Variants in CA10 observed in about 807,000 individuals in gnomAD.
CA10 encodes the protein carbonic anhydrase 10 (inactive).
CA10 carries 14 observed loss-of-function variants against 44.2 expected under a neutral mutation model. That is an observed-to-expected ratio of 0.32 (90% confidence interval 0.21 to 0.50). The LOEUF (loss-of-function observed/expected upper bound fraction) is 0.50. Ranked by LOEUF, CA10 falls within the 20% of genes least tolerant of loss-of-function variation. The pLI, the probability that CA10 is intolerant of heterozygous loss-of-function variation, is 0.99. For synonymous variants in CA10, 159 were observed against 141.6 expected, an observed-to-expected ratio of 1.12 and a Z score of -0.87; for missense variants, 350 against 409.7, an observed-to-expected ratio of 0.85 and a Z score of 1.26.
intron 3 of CA10, among the ~76,000 whole-genome samples, chr17:51,853,241 G>T (rs1385097513): frequency 6.6e-6 from 1 of 152,174 alleles, no homozygotes; most frequent in Non-Finnish European, 1.5e-5. Flanking sequence ...CTGCTAATCA[G>T]GAGTGGGGTG....
chr17:52,052,039 C>T lies in CA10; in HGVS notation c.136+20280G>A, dbSNP rs116350504. Among the ~76,000 whole-genome samples, 1,321 of 151,836 alleles carry T rather than the reference C, an allele frequency of 8.7e-3. 18 individuals are homozygous for T. The highest frequency in any genetic ancestry group is 0.03 in the African/African-American group (1,252 of 41,430). On this transcript the variant is annotated intron_variant, in intron 2 of 8. Coordinates refer to ENST00000451037, the MANE Select transcript of CA10 (RefSeq NM_020178.5). ...AAACTAACACAGGATCAGAAAATCACATACTTCATATTCTCACTTATAAGT... is the reference window on the plus strand; with the variant it reads ...AAACTAACACAGGATCAGAAAATCATATACTTCATATTCTCACTTATAAGT...
chr17:51,671,865 TGTAACATTAAA>T (rs547755109), intron 4 of CA10, among the ~76,000 whole-genome samples: 194 of 152,358 alleles, frequency 1.3e-3, no homozygotes, highest in Non-Finnish European at 2.2e-3. Context: ...TTTGAAATCT[TGTAACATTAAA>T]GTAACATTAA....
chr17:51,990,768 A>G (rs963284333), intron 2 of CA10, among the ~76,000 whole-genome samples: 1 of 152,042 alleles, frequency 6.6e-6, no homozygotes, highest in East Asian at 1.9e-4. Flanking sequence ...AGTGGCTGGG[A>G]TGTTCTTGAG....
chr17:51,938,951 A>T (rs1357066771), intron 2 of CA10, among the ~76,000 whole-genome samples: 2 of 152,048 alleles, frequency 1.3e-5, no homozygotes, highest in East Asian at 1.9e-4. Context: ...AAACAAAGAA[A>T]AAAACCAAAG....
At chr17:52,129,678 T>A (rs1023975462) in intron 1 of CA10, among the ~76,000 whole-genome samples, 1 of 152,184 alleles carries the variant, frequency 6.6e-6, no homozygotes, top group Non-Finnish European at 1.5e-5. Context: ...TAAGTACTCA[T>A]TAGATGCCTA....
intron 4 of CA10, among the ~76,000 whole-genome samples, chr17:51,658,893 A>G (rs959110489): frequency 5.3e-5 from 8 of 152,128 alleles, no homozygotes; most frequent in Non-Finnish European, 5.9e-5. Context: ...GCTATTTTGC[A>G]ACTATTCTCT....
intron 3 of CA10, among the ~76,000 whole-genome samples, chr17:51,790,040 G>A (rs546534748): frequency 1.1e-4 from 16 of 152,294 alleles, no homozygotes; most frequent in African/African-American, 3.8e-4. Flanking sequence ...GTGAAGCTGG[G>A]TCAGTGTCTA....
chr17:51,635,576 G>A (rs1331200147), intron 7 of CA10, among the ~76,000 whole-genome samples: 2 of 151,974 alleles, frequency 1.3e-5, no homozygotes, highest in African/African-American at 2.4e-5. Flanking sequence ...GCCAAAGCAC[G>A]TCAAAGATTG....
chr17:51,915,083 A>T (rs1981939028), intron 3 of CA10, among the ~76,000 whole-genome samples: 1 of 152,130 alleles, frequency 6.6e-6, no homozygotes, highest in Non-Finnish European at 1.5e-5. Flanking sequence ...TCTGTATATT[A>T]CATACTTTGC....
chr17:51,763,641 A>G (rs1295604255), intron 3 of CA10, among the ~76,000 whole-genome samples: 1 of 152,210 alleles, frequency 6.6e-6, no homozygotes, highest in Non-Finnish European at 1.5e-5. Context: ...AGGTGATTTC[A>G]TGGTGCATTT....
In CA10 at chr17:52,117,456, A is replaced by AT. The variant is rs1186092583; in HGVS notation, c.61+40269dup. Reference sequence around the variant, plus strand: ...TCCAATTGGGATTGTTGAGATTGGGATTTTTTTTCTTTTTTCTCCACCCTG... The same window carrying AT: ...TCCAATTGGGATTGTTGAGATTGGGATTTTTTTTTCTTTTTTCTCCACCCTG... On this transcript the variant is annotated intron_variant, in intron 1 of 8. Coordinates refer to ENST00000451037, the MANE Select transcript of CA10 (RefSeq NM_020178.5). 1.1e-4 allele frequency among the ~76,000 whole-genome samples: 16 copies of AT among 152,050 alleles called. No individual in the cohort carries two copies. The South Asian group carries it at 2.7e-3, about 26-fold the overall frequency.
intron 2 of CA10, among the ~76,000 whole-genome samples, chr17:52,012,580 C>T (rs1985833759): frequency 6.6e-6 from 1 of 151,894 alleles, no homozygotes; most frequent in African/African-American, 2.4e-5. Context: ...GGAAATACTC[C>T]AAGAAATGTA....
intron 3 of CA10, among the ~76,000 whole-genome samples, chr17:51,858,480 G>A (rs886193312): frequency 1.3e-5 from 2 of 152,048 alleles, no homozygotes; most frequent in South Asian, 2.1e-4. Context: ...TAATAGCTCC[G>A]GTTACAGCTG....
chr17:51,732,182 T>G (rs921155690), intron 4 of CA10, among the ~76,000 whole-genome samples: 11 of 152,188 alleles, frequency 7.2e-5, no homozygotes, highest in African/African-American at 2.4e-4. Flanking sequence ...GATTTTTACA[T>G]TGACTGGCAG....
intron 3 of CA10, among the ~76,000 whole-genome samples, chr17:51,884,584 A>G (rs1980516380): frequency 6.6e-6 from 1 of 151,942 alleles, no homozygotes; most frequent in Admixed American, 6.6e-5. Flanking sequence ...AGCTTCTCCT[A>G]CCCTCTCTGT....
intron 3 of CA10, among the ~76,000 whole-genome samples, chr17:51,817,332 G>A (rs1907599649): frequency 6.6e-6 from 1 of 152,214 alleles, no homozygotes; most frequent in Non-Finnish European, 1.5e-5. Flanking sequence ...GCAGAGTTGA[G>A]TAGTTGAGAC....
chr17:51,894,098 T>C (rs1396663266), intron 3 of CA10, among the ~76,000 whole-genome samples: 1 of 152,130 alleles, frequency 6.6e-6, no homozygotes, highest in Non-Finnish European at 1.5e-5. Context: ...GAGGAATTTC[T>C]GAAAGCTGTA....
chr17:51,928,493 T>C (rs1223918908), intron 3 of CA10, among the ~76,000 whole-genome samples: 2 of 152,100 alleles, frequency 1.3e-5, no homozygotes, highest in Non-Finnish European at 1.5e-5. Context: ...AAAATAAACA[T>C]AGTAACGCAA....
At chr17:52,062,585 A>G (rs1987419599) in intron 2 of CA10, among the ~76,000 whole-genome samples, 1 of 152,202 alleles carries the variant, frequency 6.6e-6, no homozygotes, top group South Asian at 2.1e-4. Context: ...AGCCACTTTG[A>G]TATGCTTTCT....
Sources: gnomAD v4.1 joint callset for allele counts (sites outside exome capture counted in the v4.1 genomes callset) on GRCh38, gnomAD v4.1.1 for gene constraint, MANE v1.5 for transcripts, NCBI Gene and HGNC (gene_info 2026-07-23, HGNC 2026-07-21) for gene names.